BEND7: variants seen among roughly 807,000 people sequenced by gnomAD.
The protein encoded by BEND7 is BEN domain-containing protein 7.
A neutral mutation model predicts 50.9 loss-of-function variants in BEND7; 28 were observed. The ratio of observed to expected loss-of-function variants is 0.55; its 90% CI spans 0.41 to 0.75. The LOEUF (loss-of-function observed/expected upper bound fraction) is 0.75. Ranked by LOEUF, BEND7 falls within the 30% of genes least tolerant of loss-of-function variation. The probability of loss-of-function intolerance (pLI) is 0.00; values close to 1 mark genes in which losing one functional copy is unlikely to be tolerated. For missense variants in BEND7, 477 were observed against 491.3 expected (o/e 0.97, Z 0.28); for synonymous variants, 170 against 183.9 (o/e 0.92, Z 0.61).
chr10:13,473,628 C>A (rs74122760), intron 6 of BEND7, among the ~76,000 whole-genome samples: 18 of 146,448 alleles, frequency 1.2e-4, no homozygotes. Flanking sequence ...AGACTCAGGG[C>A]CGATTCGTCA....
chr10:13,500,498 C>T (rs1193973499), intron 2 of BEND7: 49 of 994,340 alleles, frequency 4.9e-5, no homozygotes, highest in Non-Finnish European at 5.8e-5. Context: ...GTCACTAAAG[C>T]GCTCTGCTCA....
intron 7 of BEND7, 78 bp downstream of exon 7, chr10:13,452,461 A>G (rs1433426165): frequency 3.5e-6 from 5 of 1,411,452 alleles, no homozygotes; most frequent in Admixed American, 4.7e-5. Context: ...GAAATAACCT[A>G]GAGCCAAGTA....
intron 5 of BEND7, among the ~76,000 whole-genome samples, chr10:13,488,086 C>CA (rs753018197): frequency 0.027 from 1,857 of 68,438 alleles, 34 homozygotes; most frequent in Admixed American, 0.04. Flanking sequence ...GTCTCAATTA[C>CA]AAAAAAAAAA....
At chr10:13,456,449 G>A (rs1313884225) in intron 6 of BEND7, among the ~76,000 whole-genome samples, 1 of 152,174 alleles carries the variant, frequency 6.6e-6, no homozygotes, top group East Asian at 1.9e-4. Flanking sequence ...CAGTGGGACT[G>A]GGGAGCGAGA....
At chr10:13,522,029 C>T (rs2079111240) in intron 2 of BEND7, among the ~76,000 whole-genome samples, 1 of 152,162 alleles carries the variant, frequency 6.6e-6, no homozygotes, top group Non-Finnish European at 1.5e-5. Context: ...GCATGGCTGC[C>T]ACACTGTGTG....
chr10:13,519,104 T>C (rs1372269392), intron 2 of BEND7, among the ~76,000 whole-genome samples: 2 of 152,006 alleles, frequency 1.3e-5, no homozygotes, highest in Non-Finnish European at 2.9e-5. Flanking sequence ...CAAAAATAAG[T>C]AAATATTAGG....
rs143961403 is a variant in BEND7, at chr10:13,496,742, C to T, written c.571+24G>A. 51 of 1,603,936 alleles carry T rather than the reference C, an allele frequency of 3.2e-5. 1 individual carries two copies. Among genetic ancestry groups the T allele is most frequent in the East Asian group, 2.5e-4 (11 of 44,586 alleles). On this transcript the variant is annotated intron_variant, in intron 4 of 8. Transcript: ENST00000466271. ...GATATGCATTAAAAATCAAAGGACT[C>T]ATTCCGAGGCCTGATCCTTGTACCT...
chr10:13,450,320 G>C (rs1162558255), intron 7 of BEND7, among the ~76,000 whole-genome samples: 2 of 152,186 alleles, frequency 1.3e-5, no homozygotes, highest in African/African-American at 4.8e-5. Flanking sequence ...ATCTCTATGA[G>C]ACACTGTTTG....
At chr10:13,470,002 G>C (rs986333643) in intron 6 of BEND7, among the ~76,000 whole-genome samples, 2 of 152,102 alleles carry the variant, frequency 1.3e-5, no homozygotes, top group Admixed American at 6.5e-5. Context: ...CAAAATTGTA[G>C]ATCCAGAAGA....
chr10:13,456,101 T>C (rs1235517037), intron 6 of BEND7, among the ~76,000 whole-genome samples: 5 of 152,086 alleles, frequency 3.3e-5, no homozygotes, highest in African/African-American at 1.2e-4. Flanking sequence ...TGACCGGGCA[T>C]GAATGAACTC....
At chr10:13,469,779 G>A (rs1383753272) in intron 6 of BEND7, among the ~76,000 whole-genome samples, 1 of 152,122 alleles carries the variant, frequency 6.6e-6, no homozygotes, top group Non-Finnish European at 1.5e-5. Context: ...CCAGCCGAAA[G>A]TTATGAATTT....
At chr10:13,469,593 C>T (rs543012864) in intron 6 of BEND7, among the ~76,000 whole-genome samples, 11 of 152,306 alleles carry the variant, frequency 7.2e-5, no homozygotes, top group Non-Finnish European at 1.5e-4. Context: ...TCCCCTGCCT[C>T]AGCCTCCTGA....
At chr10:13,476,052 G>A (rs1390662887) in intron 6 of BEND7, among the ~76,000 whole-genome samples, 6 of 152,084 alleles carry the variant, frequency 3.9e-5, no homozygotes, top group South Asian at 4.2e-4. Flanking sequence ...CACCCCAACC[G>A]TATTAATTTA....
intron 5 of BEND7, among the ~76,000 whole-genome samples, chr10:13,488,039 C>T (rs1588899883): frequency 1.3e-5 from 2 of 149,012 alleles, no homozygotes; most frequent in East Asian, 4.0e-4. Context: ...CAAGATCATG[C>T]CACTGCACTC....
At chr10:13,468,536 T>C (rs1056547468) in intron 6 of BEND7, among the ~76,000 whole-genome samples, 1 of 152,132 alleles carries the variant, frequency 6.6e-6, no homozygotes, top group Non-Finnish European at 1.5e-5. Context: ...GGGAAGTAAG[T>C]AGGAAAACGA....
Position 13,441,621 on chromosome 10 carries a change from G to T in BEND7, c.*122C>A. On this transcript the variant is annotated 3_prime_UTR_variant, in exon 9 of 9. Coordinates refer to ENST00000466271, the MANE Select transcript of BEND7 (RefSeq NM_001369863.1). ...CAACATACTCATCCTATTTTAACACGGCGAAAGGTCACCAATTAATCTTCT... is the reference window on the plus strand; with the variant it reads ...CAACATACTCATCCTATTTTAACACTGCGAAAGGTCACCAATTAATCTTCT... 1 of 1,563,404 alleles carries T rather than the reference G, an allele frequency of 6.4e-7. No homozygotes were observed. The highest frequency in any genetic ancestry group is 1.2e-5 in the South Asian group (1 of 82,538).
chr10:13,457,245 G>A (rs375139481), intron 6 of BEND7, among the ~76,000 whole-genome samples: 2 of 152,160 alleles, frequency 1.3e-5, no homozygotes, highest in South Asian at 2.1e-4. Flanking sequence ...CCACGTGTGC[G>A]GACAAGCCAG....
chr10:13,476,358 T>C (rs902407243), intron 6 of BEND7, among the ~76,000 whole-genome samples: 1 of 152,128 alleles, frequency 6.6e-6, no homozygotes, highest in Admixed American at 6.5e-5. Context: ...AGACAGACCA[T>C]CAAGGCTGGC....
At chr10:13,486,394 G>T (rs576106434) in intron 5 of BEND7, among the ~76,000 whole-genome samples, 25 of 152,308 alleles carry the variant, frequency 1.6e-4, no homozygotes, top group Non-Finnish European at 2.8e-4. Context: ...GAGCATGTGG[G>T]ACTAGATGCT....
Sources: allele counts gnomAD v4.1 joint callset (sites outside exome capture counted in the v4.1 genomes callset), GRCh38; gene constraint gnomAD v4.1.1; transcripts MANE v1.5; gene names NCBI Gene and HGNC (gene_info 2026-07-23, HGNC 2026-07-21).